NUP155: variants seen among roughly 807,000 people sequenced by gnomAD.
The protein encoded by NUP155 is nuclear pore complex protein Nup155.
In NUP155, 71 loss-of-function variants were observed where a neutral mutation model predicts 180.4. The ratio of observed to expected loss-of-function variants is 0.39; its 90% CI spans 0.33 to 0.48. The LOEUF is 0.48. NUP155 is among the 20% of genes least tolerant of loss of function. NUP155 has a pLI of 0.91. For synonymous variants in NUP155, 582 were observed against 559.5 expected (o/e 1.04, Z -0.57); for missense variants, 1,553 against 1,648.9 (o/e 0.94, Z 1.01).
chr5:37,330,026 A>G lies in NUP155; in HGVS notation c.1724+12T>C. 1 of 1,586,840 alleles carries G rather than the reference A, an allele frequency of 6.3e-7. No homozygotes were observed. ...AAAAACAAATAAATAAACAAGAAAAACTTTCACATACCTAAAGAAAGCCCG... is the reference window on the plus strand; with the variant it reads ...AAAAACAAATAAATAAACAAGAAAAGCTTTCACATACCTAAAGAAAGCCCG... On this transcript the variant is annotated intron_variant, in intron 15 of 34. Coordinates refer to ENST00000231498, the MANE Select transcript of NUP155 (RefSeq NM_153485.3).
At chr5:37,351,460 T>TG (rs1239988838) in intron 5 of NUP155, 104 bp from the exon 6 acceptor site, 3 of 876,876 alleles carry the variant, frequency 3.4e-6, no homozygotes, top group Non-Finnish European at 5.4e-6. Flanking sequence ...TTCTTTTTTT[T>TG]TTTTCTTGAG....
At chr5:37,329,995 C>G (rs1744850273) in intron 15 of NUP155, 43 bp downstream of exon 15, 1 of 1,353,538 alleles carries the variant, frequency 7.4e-7, no homozygotes, top group Non-Finnish European at 1.1e-6. Flanking sequence ...AAAAGTGGCC[C>G]AGTAAAAAAA....
rs1286550923 is a variant in NUP155, at chr5:37,291,950, T to G, written c.4126A>C (p.Ile1376Leu). Residue 1376 changes from isoleucine (I) to leucine (L), a missense_variant, in exon 35 of 35, where the codon ATC (isoleucine) becomes CTC (leucine). Coordinates refer to ENST00000231498, the MANE Select transcript of NUP155 (RefSeq NM_153485.3). Reference sequence around the variant, plus strand: ...TGAAGAGATTTAAAATTCCCAGTGATGGCTTGTACTGCTACTGACGAGCTC... The same window carrying G: ...TGAAGAGATTTAAAATTCCCAGTGAGGGCTTGTACTGCTACTGACGAGCTC... ...SMSSSVAVQA[I>L]TGNFKSLQAK... 1 of 1,614,084 alleles carries G rather than the reference T, an allele frequency of 6.2e-7. No individual in the cohort carries two copies. Among genetic ancestry groups the G allele is most frequent in the Admixed American group, 1.7e-5 (1 of 60,024 alleles).
At chr5:37,364,590 C>CG (rs1747429261) in intron 1 of NUP155, among the ~76,000 whole-genome samples, 1 of 151,922 alleles carries the variant, frequency 6.6e-6, no homozygotes. Context: ...AAGGGAAAGT[C>CG]ATATCTCAAA....
intron 1 of NUP155, among the ~76,000 whole-genome samples, chr5:37,367,735 C>G (rs1747691988): frequency 6.6e-6 from 1 of 151,818 alleles, no homozygotes; most frequent in Non-Finnish European, 1.5e-5. Flanking sequence ...GGGGTTTCAC[C>G]ATGTTAGCCA....
At chr5:37,297,095 G>GA (rs1230579975) in intron 32 of NUP155, among the ~76,000 whole-genome samples, 3 of 151,780 alleles carry the variant, frequency 2.0e-5, no homozygotes, top group Non-Finnish European at 2.9e-5. Context: ...TCTATCAAAA[G>GA]AAAAAAATAT....
chr5:37,311,499 T>C (rs1459941382), intron 22 of NUP155, among the ~76,000 whole-genome samples: 1 of 152,006 alleles, frequency 6.6e-6, no homozygotes, highest in Admixed American at 6.6e-5. Flanking sequence ...TAAAAAACAG[T>C]ATGTATTTAA....
chr5:37,292,045 C>T lies in NUP155; in HGVS notation c.4038-7G>A, dbSNP rs774081639. 47 of 1,613,644 alleles carry T rather than the reference C, an allele frequency of 2.9e-5. No individual in the cohort carries two copies. The highest frequency in any genetic ancestry group is 5.3e-5 in the African/African-American group (4 of 74,902). ...GAGATTTGTAAATCTTCTCCTACAA[C>T]GAAAAAGACACATGATTAATTATAC... On this transcript the variant is annotated splice_region_variant and splice_polypyrimidine_tract_variant and intron_variant, in intron 34 of 34. Coordinates refer to ENST00000231498, the MANE Select transcript of NUP155 (RefSeq NM_153485.3).
At position 37,294,005 on chromosome 5, in the gene NUP155, C is replaced by CAAAAAAAAAAAAAAAA. The variant is rs70976294; in HGVS notation, c.3930+308_3930+323dup. 7.2e-3 allele frequency among the ~76,000 whole-genome samples: 269 copies of CAAAAAAAAAAAAAAAA among 37,238 alleles called. 2 individuals carry two copies. The highest frequency in any genetic ancestry group is 9.2e-3 in the Admixed American group (25 of 2,722). The allele number at this position is 37,238 out of a possible 152,430, so 24.4% of individuals were successfully genotyped here. A position where few individuals can be genotyped will look rare whatever the true frequency, so the allele number is the denominator to read the frequency against. ...TGGGCAACAGAGCGAGACGCCGTCT[C>CAAAAAAAAAAAAAAAA]AAAAAAAAAAAAAAAAAAAAAAATA... On this transcript the variant is annotated intron_variant, in intron 33 of 34. Coordinates refer to ENST00000231498, the MANE Select transcript of NUP155 (RefSeq NM_153485.3).
At chr5:37,363,154 C>G (rs901717284) in intron 3 of NUP155, among the ~76,000 whole-genome samples, 1 of 152,140 alleles carries the variant, frequency 6.6e-6, no homozygotes, top group Admixed American at 6.6e-5. Flanking sequence ...TCAGGTGATC[C>G]ACCCACCTCA....
chr5:37,291,800 A>T lies in NUP155; in HGVS notation c.*100T>A, dbSNP rs1742244112. 2 of 1,078,880 alleles carry T rather than the reference A, an allele frequency of 1.9e-6. No individual in the cohort carries two copies. Among genetic ancestry groups the T allele is most frequent in the African/African-American group, 1.6e-5 (1 of 63,698 alleles). The allele number at this position is 1,078,880 out of a possible 1,614,324, so 66.8% of individuals were successfully genotyped here. A position where few individuals can be genotyped will look rare whatever the true frequency, so the allele number is the denominator to read the frequency against. ...ACTTATTAAAAACATATTTCTATTA[A>T]GATTGTTCTTACATTCTTAGATTTA... On this transcript the variant is annotated 3_prime_UTR_variant, in exon 35 of 35. Coordinates refer to ENST00000231498, the MANE Select transcript of NUP155 (RefSeq NM_153485.3).
chr5:37,316,505 C>A (rs1047413779), intron 21 of NUP155, among the ~76,000 whole-genome samples: 1 of 152,102 alleles, frequency 6.6e-6, no homozygotes, highest in African/African-American at 2.4e-5. Flanking sequence ...GCTCTTGTTG[C>A]CCAGGCTAGG....
chr5:37,368,399 T>C (rs1004558038), intron 1 of NUP155, among the ~76,000 whole-genome samples: 1 of 151,780 alleles, frequency 6.6e-6, no homozygotes, highest in Admixed American at 6.6e-5. Flanking sequence ...TTTGTATTAT[T>C]GTATTTCTTT....
chr5:37,333,957 A>G (rs1038450639), intron 12 of NUP155, among the ~76,000 whole-genome samples: 4 of 151,714 alleles, frequency 2.6e-5, no homozygotes, highest in African/African-American at 9.7e-5. Context: ...ATATGTCACC[A>G]CGCCCAGCTA....
At chr5:37,364,481 T>C in intron 1 of NUP155, 97 bp from the exon 2 acceptor site, 1 of 1,021,524 alleles carries the variant, frequency 9.8e-7, no homozygotes, top group East Asian at 2.5e-5. Flanking sequence ...GTGTGTTGGT[T>C]CCAAAGGTAC....
At chr5:37,360,834 T>C (rs1273938646) in intron 3 of NUP155, among the ~76,000 whole-genome samples, 2 of 151,776 alleles carry the variant, frequency 1.3e-5, no homozygotes, top group Admixed American at 6.6e-5. Flanking sequence ...TCCCAGCACT[T>C]TGAGACTCCG....
intron 4 of NUP155, among the ~76,000 whole-genome samples, chr5:37,355,822 C>T (rs991235487): frequency 1.6e-4 from 24 of 151,892 alleles, no homozygotes; most frequent in Admixed American, 1.5e-3. Context: ...TCATGATCCA[C>T]CCACCTTGGC....
chr5:37,299,458 G>A lies in NUP155; in HGVS notation c.3672C>T (p.Ile1224=). Residue 1224 remains isoleucine, a synonymous_variant, in exon 31 of 35, where the codon ATC becomes ATT. Transcript: ENST00000231498. ...PILVQTLWQD[I]IEKELSDSVT... ...TAACTGAACACTTACCTTTCTCTATGATATCTTGCCAAAGTGTCTGCACCA... is the reference window on the plus strand; with the variant it reads ...TAACTGAACACTTACCTTTCTCTATAATATCTTGCCAAAGTGTCTGCACCA... 6.2e-7 allele frequency: 1 copy of A among 1,614,026 alleles called. No individual in the cohort carries two copies. The highest frequency in any genetic ancestry group is 1.3e-5 in the African/African-American group (1 of 75,018).
intron 9 of NUP155, among the ~76,000 whole-genome samples, chr5:37,345,828 CGGCA>C (rs1431873767): frequency 1.3e-5 from 2 of 149,228 alleles, no homozygotes; most frequent in Admixed American, 1.4e-4. Flanking sequence ...TGCTTGAACC[CGGCA>C]GGCAGAGGGT....
Sources: allele counts gnomAD v4.1 joint callset (sites outside exome capture counted in the v4.1 genomes callset), GRCh38; gene constraint gnomAD v4.1.1; transcripts MANE v1.5; gene names NCBI Gene and HGNC (gene_info 2026-07-23, HGNC 2026-07-21).